The following RAB11FIP3 variants were observed in gnomAD, a reference collection of about 807,000 sequenced individuals.
RAB11FIP3 encodes the protein RAB11 family interacting protein 3.
A neutral mutation model predicts 77.8 loss-of-function variants in RAB11FIP3; 17 were observed. That is an observed-to-expected ratio of 0.22 (90% CI 0.15 to 0.33). The LOEUF (loss-of-function observed/expected upper bound fraction) is 0.33, where lower values mean the gene tolerates loss of function less well. Among genes scored for constraint, RAB11FIP3 ranks in the 10% least tolerant of loss-of-function variants. The pLI is 1.00. For missense variants in RAB11FIP3, 1,005 were observed against 1,011.2 expected (o/e 0.99, Z 0.08); for synonymous variants, 437 against 448.2 (o/e 0.98, Z 0.31).
chr16:453,608 G>A (rs1211335718), intron 1 of RAB11FIP3: 1 of 59,982 alleles, frequency 1.7e-5, no homozygotes, highest in African/African-American at 9.0e-5. Flanking sequence ...TTTTTTTTTT[G>A]AAGCAGAGTT....
At chr16:443,368 C>G (rs113490516) in intron 1 of RAB11FIP3, among the ~76,000 whole-genome samples, 63 of 152,308 alleles carry the variant, frequency 4.1e-4, no homozygotes, top group African/African-American at 1.5e-3. Flanking sequence ...AAAATAATAA[C>G]TTGCAAATAA....
chr16:463,831 C>T (rs928987842), intron 2 of RAB11FIP3, among the ~76,000 whole-genome samples: 5 of 152,188 alleles, frequency 3.3e-5, no homozygotes, highest in African/African-American at 9.7e-5. Flanking sequence ...GGCTTGGCCC[C>T]GGGGCCTCTG....
rs1028317050 is a variant in RAB11FIP3, at chr16:461,594, A to G, written c.808+97A>G. On this transcript the variant is annotated intron_variant, in intron 2 of 13. Transcript: ENST00000262305. The surrounding 1 kb of genome is among the most constrained non-coding windows in gnomAD (Gnocchi z 4.5). ...CACCAGGCTCCTCGTGCTGACTCTA[A>G]CATCTTTCCTTCTCCTTGAAGCCCC... 14 of 995,788 alleles carry G rather than the reference A, an allele frequency of 1.4e-5. No homozygotes were observed. The East Asian group carries it at 3.6e-4, about 25-fold the overall frequency. The allele number at this position is 995,788 out of a possible 1,614,324, so 61.7% of individuals were successfully genotyped here.
chr16:444,872 C>T (rs189720542), intron 1 of RAB11FIP3, among the ~76,000 whole-genome samples: 103 of 150,702 alleles, frequency 6.8e-4, no homozygotes, highest in Non-Finnish European at 1.3e-3. Flanking sequence ...CCCAGCACTT[C>T]GGGAGGCCAA....
At chr16:497,271 G>A (rs1421071565) in intron 6 of RAB11FIP3, 1 of 1,304,992 alleles carries the variant, frequency 7.7e-7, no homozygotes, top group South Asian at 1.2e-5. Flanking sequence ...AATTCCTAAA[G>A]ACCATTTCTT....
chr16:492,460 G>GGGAGACCCGAGGCCGTCCAGGGCCCTCCC (rs1567392373), intron 5 of RAB11FIP3, among the ~76,000 whole-genome samples: 12 of 28,310 alleles, frequency 4.2e-4, no homozygotes, highest in South Asian at 2.1e-3. Flanking sequence ...GGCCCTTCCC[G>GGGAGACCCGAGGCCGTCCAGGGCCCTCCC]GGGAGACCCG....
chr16:510,965 T>C (rs7201201), intron 9 of RAB11FIP3, among the ~76,000 whole-genome samples, 165 bp downstream of exon 9: 5,138 of 67,506 alleles, frequency 0.076, 355 homozygotes, highest in African/African-American at 0.19. Flanking sequence ...TCCCCGAAAG[T>C]CCGCCAACCC....
At chr16:510,321 CAG>C (rs1365724922) in intron 8 of RAB11FIP3, 1 of 272,382 alleles carries the variant, frequency 3.7e-6, no homozygotes. Context: ...TGCATGAACA[CAG>C]AGTGCACCAG....
At position 433,011 on chromosome 16, in the gene RAB11FIP3, G is replaced by A. The variant is rs547698781; in HGVS notation, c.714+6291G>A. 2.6e-3 allele frequency among the ~76,000 whole-genome samples: 312 copies of A among 120,084 alleles called. 2 individuals are homozygous for A. The highest frequency in any genetic ancestry group is 9.6e-3 in the African/African-American group (302 of 31,502). 78.8% of individuals were successfully genotyped at this position (120,084 alleles called of 152,430 possible). ...CTGTAATGATCAAGTTGGGGTGTCT[G>A]TCACCTCCATATTTATCTTTTTTTT... On this transcript the variant is annotated intron_variant, in intron 1 of 13. Transcript: ENST00000262305.
chr16:492,068 C>T (rs562446483), intron 5 of RAB11FIP3, among the ~76,000 whole-genome samples: 2 of 152,330 alleles, frequency 1.3e-5, no homozygotes, highest in Non-Finnish European at 2.9e-5. Context: ...AAACTGCTTA[C>T]CTGTCTTGAG....
At chr16:440,963 C>T (rs1461367985) in intron 1 of RAB11FIP3, among the ~76,000 whole-genome samples, 11 of 151,460 alleles carry the variant, frequency 7.3e-5, no homozygotes, top group African/African-American at 2.4e-4. Flanking sequence ...TTTATTGAGA[C>T]GGAGTCTCGC....
intron 6 of RAB11FIP3, chr16:497,209 G>A (rs555134606): frequency 1.6e-6 from 2 of 1,219,898 alleles, no homozygotes; most frequent in African/African-American, 3.1e-5. Context: ...CTCAGAGCCG[G>A]GTCTGGGCAG....
At chr16:438,721 C>T (rs1189266953) in intron 1 of RAB11FIP3, among the ~76,000 whole-genome samples, 3 of 141,268 alleles carry the variant, frequency 2.1e-5, no homozygotes, top group African/African-American at 5.4e-5. Flanking sequence ...GATGGAATTT[C>T]GCTCTAACAC....
At chr16:485,660 G>A (rs936310957) in intron 4 of RAB11FIP3, among the ~76,000 whole-genome samples, 8 of 152,094 alleles carry the variant, frequency 5.3e-5, no homozygotes, top group Admixed American at 1.3e-4. Flanking sequence ...ATCCACCCAC[G>A]TTGGCCTCCC....
At position 472,929 on chromosome 16, in the gene RAB11FIP3, A is replaced by AAG. The variant is rs1169396483; in HGVS notation, c.903+1542_903+1543dup. On this transcript the variant is annotated intron_variant, in intron 3 of 13. Coordinates refer to ENST00000262305, the MANE Select transcript of RAB11FIP3 (RefSeq NM_014700.4). This position sits in a 1 kb window ranked among gnomAD's most constrained non-coding sequence, Gnocchi z 4.1. ...AGACACACAGGGGGAAGACCATAGGAAGACAGGGCAGAGACTGACCAGAGC... is the reference window on the plus strand; with the variant it reads ...AGACACACAGGGGGAAGACCATAGGAAGAGACAGGGCAGAGACTGACCAGAGC... 6.6e-6 allele frequency among the ~76,000 whole-genome samples: 1 copy of AAG among 152,118 alleles called. No individual in the cohort carries two copies. Among genetic ancestry groups the AAG allele is most frequent in the Non-Finnish European group, 1.5e-5 (1 of 68,016 alleles).
rs117506322 is a variant in RAB11FIP3, at chr16:520,285, G to A, written c.2016+8G>A. The A allele has an allele frequency of 1.7e-3, 2,662 of 1,545,158 alleles. 71 individuals are homozygous for A. In the East Asian group the frequency reaches 0.052, roughly 30 times the overall value. ...GTCCGCAGGCTGAAGCAGGTGGGCA[G>A]GCCTGGGCCTCCCTCCCTCACACTC... On this transcript the variant is annotated splice_region_variant and intron_variant, in intron 12 of 13. Coordinates refer to ENST00000262305, the MANE Select transcript of RAB11FIP3 (RefSeq NM_014700.4).
At chr16:491,266 T>C (rs1016689732) in intron 5 of RAB11FIP3, 4 of 1,304,570 alleles carry the variant, frequency 3.1e-6, no homozygotes, top group Non-Finnish European at 4.0e-6. Context: ...TTGAAATGAA[T>C]AGGTAACTGA....
Position 505,476 on chromosome 16 carries a change from CCTTCTG to C in RAB11FIP3, c.1396-41_1396-36del. ...AGGTTGTTCCCTTGGGGGTGCAGGC[CCTTCTG>C]CTTCTGGCTGCCTGACCCTGAAGCC... On this transcript the variant is annotated intron_variant, in intron 7 of 13. Transcript: ENST00000262305. This position sits in a 1 kb window ranked among gnomAD's most constrained non-coding sequence, Gnocchi z 4.0. 2 of 1,500,964 alleles carry C rather than the reference CCTTCTG, an allele frequency of 1.3e-6. No homozygotes were observed. The highest frequency in any genetic ancestry group is 1.8e-6 in the Non-Finnish European group (2 of 1,101,666). The allele number at this position is 1,500,964 out of a possible 1,614,324, so 93.0% of individuals were successfully genotyped here.
At position 471,211 on chromosome 16, in the gene RAB11FIP3, T is replaced by TC; in HGVS notation, c.809-81dup. The TC allele has an allele frequency of 8.3e-7, 1 of 1,210,356 alleles. No homozygotes were observed. Among genetic ancestry groups the TC allele is most frequent in the Admixed American group, 1.9e-5 (1 of 53,144 alleles). The allele number at this position is 1,210,356 out of a possible 1,614,324, so 75.0% of individuals were successfully genotyped here. ...ACACATCTGTCCCTGGGGGCCTCCTTCCCAGGGAGTCCCGAGGCCGCCAGG... is the reference window on the plus strand; with the variant it reads ...ACACATCTGTCCCTGGGGGCCTCCTTCCCCAGGGAGTCCCGAGGCCGCCAGG... On this transcript the variant is annotated intron_variant, in intron 2 of 13. Transcript: ENST00000262305. The surrounding 1 kb of genome is among the most constrained non-coding windows in gnomAD (Gnocchi z 4.4).
Sources: gnomAD v4.1 joint callset for allele counts (sites outside exome capture counted in the v4.1 genomes callset) on GRCh38, gnomAD v4.1.1 for gene constraint, Gnocchi (gnomAD v3.1) non-coding constraint, MANE v1.5 for transcripts, NCBI Gene and HGNC (gene_info 2026-07-23, HGNC 2026-07-21) for gene names.